Variants in CADPS2 observed in about 807,000 individuals in gnomAD.
CADPS2 encodes calcium-dependent secretion activator 2.
Under a neutral mutation model 172.5 loss-of-function variants are expected in CADPS2, and 93 were observed. The observed-to-expected ratio is 0.54, with a 90% confidence interval of 0.46 to 0.64. The LOEUF is 0.64. Among genes scored for constraint, CADPS2 ranks in the 30% least tolerant of loss-of-function variants. The pLI, the probability that CADPS2 is intolerant of heterozygous loss-of-function variation, is 0.00. For missense variants in CADPS2, 1,420 were observed against 1,565.9 expected (o/e 0.91, Z 1.57); for synonymous variants, 546 against 555.2 (o/e 0.98, Z 0.23).
chr7:122,851,891 A>G (rs1018421962), intron 1 of CADPS2, among the ~76,000 whole-genome samples: 2 of 152,212 alleles, frequency 1.3e-5, no homozygotes, highest in Admixed American at 6.5e-5. Flanking sequence ...CAGCCAAGCC[A>G]TATCAGAGCC....
chr7:122,636,102 T>G (rs2430019), intron 3 of CADPS2, among the ~76,000 whole-genome samples: 151,145 of 152,234 alleles, frequency 0.99, 75,040 homozygotes, highest in Middle Eastern at 1. Context: ...TTTACATTCA[T>G]GGATAGTATT....
rs573234220 is a variant in CADPS2, at chr7:122,541,343, C to A, written c.1475+13207G>T. ...TCCCGAGTAGCTAGGATTACAGGCG[C>A]CCACCACCACACCCAGCTATTTTTT... On this transcript the variant is annotated intron_variant, in intron 8 of 29. Transcript: ENST00000449022. Among the ~76,000 whole-genome samples the A allele has an allele frequency of 1.4e-3, 204 of 145,532 alleles. 1 individual carries two copies. The highest frequency in any genetic ancestry group is 2.9e-3 in the Admixed American group (41 of 14,018).
chr7:122,852,474 T>C (rs1813932015), intron 1 of CADPS2, among the ~76,000 whole-genome samples: 1 of 152,040 alleles, frequency 6.6e-6, no homozygotes, highest in Non-Finnish European at 1.5e-5. Context: ...AGCTTACAGA[T>C]GGGTAGAAGT....
At chr7:122,697,910 T>C (rs374240743) in intron 2 of CADPS2, 19 of 1,613,740 alleles carry the variant, frequency 1.2e-5, no homozygotes, top group Middle Eastern at 3.3e-4. Context: ...ACTTCATTAT[T>C]TGTCTCCTCT....
intron 1 of CADPS2, among the ~76,000 whole-genome samples, chr7:122,839,531 C>A (rs918115353): frequency 6.6e-6 from 1 of 152,166 alleles, no homozygotes; most frequent in Non-Finnish European, 1.5e-5. Context: ...ATCTACTCAT[C>A]TGACAAAGGG....
At chr7:122,366,401 G>A (rs1249868480) in intron 25 of CADPS2, among the ~76,000 whole-genome samples, 1 of 149,244 alleles carries the variant, frequency 6.7e-6, no homozygotes, top group Non-Finnish European at 1.5e-5. Flanking sequence ...TCAGGCATTT[G>A]AGACCAGCCT....
At chr7:122,539,365 T>C (rs2062664931) in intron 8 of CADPS2, among the ~76,000 whole-genome samples, 1 of 152,132 alleles carries the variant, frequency 6.6e-6, no homozygotes, top group African/African-American at 2.4e-5. Context: ...AATCTTGGAC[T>C]TTCCAGCTTC....
intron 25 of CADPS2, among the ~76,000 whole-genome samples, chr7:122,377,040 T>C (rs1006712192): frequency 1.3e-5 from 2 of 152,130 alleles, no homozygotes; most frequent in Non-Finnish European, 2.9e-5. Flanking sequence ...AACCAAAGAA[T>C]TAAAGATAAG....
intron 1 of CADPS2, among the ~76,000 whole-genome samples, chr7:122,755,083 T>C (rs2093103549): frequency 6.6e-6 from 1 of 152,158 alleles, no homozygotes; most frequent in African/African-American, 2.4e-5. Flanking sequence ...GAAGAATGTC[T>C]TCAGATAATA....
chr7:122,681,373 C>G (rs1299703371), intron 2 of CADPS2: 1 of 1,498,932 alleles, frequency 6.7e-7, no homozygotes, highest in African/African-American at 1.4e-5. Context: ...CACGTGCAAC[C>G]TGTTCGCTGT....
At chr7:122,356,773 A>G (rs1418741732) in intron 27 of CADPS2, among the ~76,000 whole-genome samples, 1 of 152,094 alleles carries the variant, frequency 6.6e-6, no homozygotes, top group Non-Finnish European at 1.5e-5. Flanking sequence ...GGCCACTGGG[A>G]GCTCTTTCCA....
intron 6 of CADPS2, among the ~76,000 whole-genome samples, chr7:122,593,373 C>T (rs1043733619): frequency 8.6e-5 from 13 of 151,900 alleles, no homozygotes; most frequent in African/African-American, 2.9e-4. Context: ...CGCCCACAGC[C>T]GAGTACAATG....
At chr7:122,881,429 A>G (rs1822904047) in intron 1 of CADPS2, among the ~76,000 whole-genome samples, 1 of 152,286 alleles carries the variant, frequency 6.6e-6, no homozygotes, top group Non-Finnish European at 1.5e-5. Context: ...TGAAGCAACA[A>G]GCAATTTTCC....
chr7:122,639,425 T>C (rs1379373155), intron 3 of CADPS2, among the ~76,000 whole-genome samples: 5 of 152,216 alleles, frequency 3.3e-5, no homozygotes, highest in African/African-American at 7.2e-5. Flanking sequence ...TCCCTAATGA[T>C]AGCACCTTAT....
intron 2 of CADPS2, among the ~76,000 whole-genome samples, chr7:122,694,350 G>A (rs186840315): frequency 1.1e-4 from 16 of 152,342 alleles, no homozygotes; most frequent in African/African-American, 3.1e-4. Context: ...GCTGTGAGTT[G>A]TTAAGTTTTC....
intron 2 of CADPS2, chr7:122,701,520 A>T (rs978249702): frequency 3.3e-4 from 54 of 162,274 alleles, no homozygotes; most frequent in Non-Finnish European, 6.4e-4. Flanking sequence ...CAGCACACCA[A>T]CATGGCACAT....
At chr7:122,844,933 GCTC>G (rs1811574196) in intron 1 of CADPS2, among the ~76,000 whole-genome samples, 1 of 151,862 alleles carries the variant, frequency 6.6e-6, no homozygotes, top group Non-Finnish European at 1.5e-5. Flanking sequence ...TTATTCTAAG[GCTC>G]CTTTTTTGCA....
At chr7:122,589,509 T>G (rs1284374828) in intron 6 of CADPS2, among the ~76,000 whole-genome samples, 1 of 151,900 alleles carries the variant, frequency 6.6e-6, no homozygotes, top group Non-Finnish European at 1.5e-5. Flanking sequence ...TTTTAAAAGT[T>G]CAACACAGGG....
chr7:122,846,351 T>G (rs983698822), intron 1 of CADPS2, among the ~76,000 whole-genome samples: 3 of 152,104 alleles, frequency 2.0e-5, no homozygotes, highest in Admixed American at 6.5e-5. Context: ...AACAAGAAAA[T>G]CACTGTAAAT....
Sources: gnomAD v4.1 joint callset for allele counts (sites outside exome capture counted in the v4.1 genomes callset) on GRCh38, gnomAD v4.1.1 for gene constraint, MANE v1.5 for transcripts, NCBI Gene and HGNC (gene_info 2026-07-23, HGNC 2026-07-21) for gene names.